Variants in RIMBP2 observed in about 807,000 individuals in gnomAD.
RIMBP2 encodes RIMS binding protein 2.
In RIMBP2, 48 loss-of-function variants were observed where a neutral mutation model predicts 118.6. The observed-to-expected ratio is 0.40, with a 90% CI of 0.32 to 0.51. The LOEUF (loss-of-function observed/expected upper bound fraction) is 0.51, where lower values mean the gene tolerates loss of function less well. RIMBP2 is among the 20% of genes least tolerant of loss of function. RIMBP2 has a pLI of 0.41. For missense variants in RIMBP2, 1,551 were observed against 1,768.3 expected, an observed-to-expected ratio of 0.88 and a Z score of 2.20; for synonymous variants, 762 against 742.9, an observed-to-expected ratio of 1.03 and a Z score of -0.42.
In RIMBP2 at chr12:130,556,853, G is replaced by A. The variant is rs112123914; in HGVS notation, c.-216-38936C>T. On this transcript the variant is annotated intron_variant, in intron 2 of 22. Coordinates refer to ENST00000690449, the MANE Select transcript of RIMBP2 (RefSeq NM_001393629.1). ...GAGATGTGGAGAAGGTCAGAGCACC[G>A]GGCCAGTGAGCAAGTGAGCCAGCAC... 7.2e-3 allele frequency among the ~76,000 whole-genome samples: 1,100 copies of A among 152,250 alleles called. 23 individuals are homozygous for A. Among genetic ancestry groups the A allele is most frequent in the African/African-American group, 0.025 (1,031 of 41,544 alleles).
At chr12:130,613,039 G>A (rs2060656841) in intron 2 of RIMBP2, among the ~76,000 whole-genome samples, 2 of 152,196 alleles carry the variant, frequency 1.3e-5, no homozygotes, top group South Asian at 2.1e-4. Context: ...TTTCTCCCTG[G>A]CCTTCCTTGA....
chr12:130,646,431 C>T lies in RIMBP2; in HGVS notation c.-351-17975G>A, dbSNP rs1291793554. ...TCCACCTCCCTCACCACTTCCCTCTCCACCTCCCTTGCCACCTCCCTCGCC... is the reference window on the plus strand; with the variant it reads ...TCCACCTCCCTCACCACTTCCCTCTTCACCTCCCTTGCCACCTCCCTCGCC... On this transcript the variant is annotated intron_variant, in intron 1 of 22. Transcript: ENST00000690449. 6.6e-4 allele frequency among the ~76,000 whole-genome samples: 81 copies of T among 121,856 alleles called. 31 individuals are homozygous for T. Among genetic ancestry groups the T allele is most frequent in the Admixed American group, 1.7e-3 (21 of 12,008 alleles). The allele number at this position is 121,856 out of a possible 152,430, so 79.9% of individuals were successfully genotyped here.
chr12:130,424,105 G>T lies in RIMBP2; in HGVS notation c.3129+37C>A. On this transcript the variant is annotated intron_variant, in intron 16 of 22. Coordinates refer to ENST00000690449, the MANE Select transcript of RIMBP2 (RefSeq NM_001393629.1). The surrounding 1 kb of genome is among the most constrained non-coding windows in gnomAD (Gnocchi z 9.8). ...GTGAAAGGATGGGACAGATTGGTTT[G>T]GCAAGCGGCTGTGAAAAGGAAGTTT... is the stretch of plus-strand genomic sequence containing the variant. 9.0e-7 allele frequency: 1 copy of T among 1,115,740 alleles called. No individual in the cohort carries two copies. The highest frequency in any genetic ancestry group is 1.1e-6 in the Non-Finnish European group (1 of 881,842). The allele number at this position is 1,115,740 out of a possible 1,614,324, so 69.1% of individuals were successfully genotyped here. A position where few individuals can be genotyped will look rare whatever the true frequency, so the allele number is the denominator to read the frequency against.
intron 16 of RIMBP2, among the ~76,000 whole-genome samples, chr12:130,423,857 C>T (rs779072994): frequency 6.6e-6 from 1 of 151,964 alleles, no homozygotes; most frequent in Non-Finnish European, 1.5e-5. Context: ...TTCAGCTAAC[C>T]CTTAATTAAA....
rs1353727286 is a variant in RIMBP2 at position 130,523,391 on chromosome 12, C to A, written c.-216-5474G>T. On this transcript the variant is annotated intron_variant, in intron 2 of 22. Coordinates refer to ENST00000690449, the MANE Select transcript of RIMBP2 (RefSeq NM_001393629.1). This position sits in a 1 kb window ranked among gnomAD's most constrained non-coding sequence, Gnocchi z 4.4. ...AGAGAGGAGAGCTCTGTCATTTAAG[C>A]TGCCCGGTCTGTGGGATCCTGCTAT... Among the ~76,000 whole-genome samples, 2 of 152,230 alleles carry A rather than the reference C, an allele frequency of 1.3e-5. No individual in the cohort carries two copies. The highest frequency in any genetic ancestry group is 4.8e-5 in the African/African-American group (2 of 41,462).
chr12:130,715,665 A>C (rs1950276528), intron 1 of RIMBP2, among the ~76,000 whole-genome samples: 1 of 152,166 alleles, frequency 6.6e-6, no homozygotes, highest in Admixed American at 6.5e-5. Context: ...TGGGACGTGA[A>C]TTGACAGATT....
intron 21 of RIMBP2, among the ~76,000 whole-genome samples, chr12:130,403,203 C>T (rs2074821105): frequency 1.3e-5 from 2 of 152,116 alleles, no homozygotes; most frequent in African/African-American, 2.4e-5. Flanking sequence ...ATTAGGTGTC[C>T]CCTGTCATTG....
intron 15 of RIMBP2, chr12:130,427,321 G>C (rs1386524391): frequency 1.3e-5 from 2 of 152,264 alleles, no homozygotes; most frequent in African/African-American, 2.4e-5. Context: ...GCCTTTGTCT[G>C]TCTCCCCATT....
rs1041286795 is a variant in RIMBP2 at position 130,419,339 on chromosome 12, G to T, written c.3238+3114C>A. ...TTAGGAGGAAGGGTGTGCATATCGT[G>T]TGGGAGATCAGGGCTCATGCCTGGA... On this transcript the variant is annotated intron_variant, in intron 17 of 22. Coordinates refer to ENST00000690449, the MANE Select transcript of RIMBP2 (RefSeq NM_001393629.1). This position sits in a 1 kb window ranked among gnomAD's most constrained non-coding sequence, Gnocchi z 4.3. Among the ~76,000 whole-genome samples, 2 of 152,182 alleles carry T rather than the reference G, an allele frequency of 1.3e-5. No individual in the cohort carries two copies. The highest frequency in any genetic ancestry group is 2.9e-5 in the Non-Finnish European group (2 of 68,038).
chr12:130,549,657 CTCCT>C (rs1472562756), intron 2 of RIMBP2, among the ~76,000 whole-genome samples: 1 of 152,172 alleles, frequency 6.6e-6, no homozygotes, highest in Non-Finnish European at 1.5e-5. Context: ...TGGCCTCCAG[CTCCT>C]TCCATGTTTC....
intron 2 of RIMBP2, among the ~76,000 whole-genome samples, chr12:130,542,318 G>A (rs2054695344): frequency 6.6e-6 from 1 of 152,064 alleles, no homozygotes; most frequent in African/African-American, 2.4e-5. Flanking sequence ...AAGATAGATG[G>A]GTGAGAGGAC....
In RIMBP2 at chr12:130,466,814, C is replaced by G. The variant is rs578261284; in HGVS notation, c.153+3879G>C. Among the ~76,000 whole-genome samples the G allele has an allele frequency of 1.2e-4, 18 of 152,292 alleles. No individual in the cohort carries two copies. In the South Asian group the frequency reaches 3.1e-3, roughly 26 times the overall value. ...CTCAGCTCCTAACCCTCTGCTCACCCGAGACAAAGGTATATCTGATTGTTT... is the reference window on the plus strand; with the variant it reads ...CTCAGCTCCTAACCCTCTGCTCACCGGAGACAAAGGTATATCTGATTGTTT... On this transcript the variant is annotated intron_variant, in intron 6 of 22. Transcript: ENST00000690449.
At chr12:130,646,058 A>ACCACTTCACTCT (rs2062871987) in intron 1 of RIMBP2, among the ~76,000 whole-genome samples, 7 of 114,262 alleles carry the variant, frequency 6.1e-5, no homozygotes, top group African/African-American at 2.2e-4. Flanking sequence ...CACCTCCCTC[A>ACCACTTCACTCT]CCACCTGCCT....
chr12:130,633,821 G>A (rs1460677726), intron 1 of RIMBP2: 3 of 152,262 alleles, frequency 2.0e-5, no homozygotes, highest in Non-Finnish European at 4.4e-5. Context: ...CCGGAGATTA[G>A]TGGTCTAGTG....
At chr12:130,435,917 G>A (rs562249810) in intron 13 of RIMBP2, among the ~76,000 whole-genome samples, 4 of 152,106 alleles carry the variant, frequency 2.6e-5, no homozygotes, top group South Asian at 2.1e-4. Context: ...CTCACAGTGC[G>A]TGCCCCGCCT....
At position 130,424,459 on chromosome 12, in the gene RIMBP2, C is replaced by T. The variant is rs972012272; in HGVS notation, c.2812G>A (p.Val938Met). 40 of 1,232,006 alleles carry T rather than the reference C, an allele frequency of 3.2e-5. No individual in the cohort carries two copies. Among genetic ancestry groups the T allele is most frequent in the African/African-American group, 1.1e-4 (7 of 64,394 alleles). 76.3% of individuals were successfully genotyped at this position (1,232,006 alleles called of 1,614,324 possible). Residue 938 changes from valine to methionine, a missense_variant, in exon 16 of 23, where the codon GTG becomes ATG. Val to Met is a conservative substitution (Grantham distance 21, BLOSUM62 1). Around this residue, in one of 5 missense-constraint regions of RIMBP2, gnomAD observed 1,038 missense variants for 1,125.1 expected, o/e 0.92. Coordinates refer to ENST00000690449, the MANE Select transcript of RIMBP2 (RefSeq NM_001393629.1). The surrounding 1 kb of genome is among the most constrained non-coding windows in gnomAD (Gnocchi z 9.8). ...CCAGGGCCTGGGCTGCACGCGGCCA[C>T]GGTGTTTCCGAAGCCAAACCGCGAC... ...DESRFGFGNT[V>M]AACSPGPGHC...
chr12:130,583,757 CCCATCACCTCATCACCACCACCG>C (rs773543084), intron 2 of RIMBP2, among the ~76,000 whole-genome samples: 1,765 of 76,572 alleles, frequency 0.023, 11 homozygotes, highest in Non-Finnish European at 0.025. Context: ...CACCACCACC[CCCATCACCTCATCACCACCACCG>C]CCATCACCTC....
chr12:130,583,495 A>G (rs1237223316), intron 2 of RIMBP2, among the ~76,000 whole-genome samples: 4 of 149,018 alleles, frequency 2.7e-5, no homozygotes, highest in Admixed American at 6.6e-5. Context: ...CCTCATCACC[A>G]TCATCACCAT....
In RIMBP2 at chr12:130,525,913, C is replaced by T. The variant is rs528307019; in HGVS notation, c.-216-7996G>A. ...AGCTCAAGGAGGTTAAGTAACTGAG[C>T]GAGCAGCCTCCCCCGAGCATGTGGA... On this transcript the variant is annotated intron_variant, in intron 2 of 22. Coordinates refer to ENST00000690449, the MANE Select transcript of RIMBP2 (RefSeq NM_001393629.1). The surrounding 1 kb of genome is among the most constrained non-coding windows in gnomAD (Gnocchi z 4.4). Among the ~76,000 whole-genome samples, 99 of 152,202 alleles carry T rather than the reference C, an allele frequency of 6.5e-4. No homozygotes were observed. Among genetic ancestry groups the T allele is most frequent in the African/African-American group, 1.9e-3 (80 of 41,528 alleles).
Sources: gnomAD v4.1 joint callset for allele counts (sites outside exome capture counted in the v4.1 genomes callset) on GRCh38, gnomAD v4.1.1 for gene constraint, gnomAD v4.1.1 regional missense constraint, Gnocchi (gnomAD v3.1) non-coding constraint, MANE v1.5 for transcripts, NCBI Gene and HGNC (gene_info 2026-07-23, HGNC 2026-07-21) for gene names.